Variants in MYO16 observed in about 807,000 individuals in gnomAD.
The protein encoded by MYO16 is unconventional myosin-XVI.
In MYO16, 94 loss-of-function variants were observed where a neutral mutation model predicts 205.3. That is an observed-to-expected ratio of 0.46 (90% confidence interval 0.39 to 0.54). The LOEUF (loss-of-function observed/expected upper bound fraction) is 0.54. Among genes scored for constraint, MYO16 ranks in the 20% least tolerant of loss-of-function variants. MYO16 has a pLI of 0.00. For missense variants in MYO16, 2,315 were observed against 2,387.5 expected (o/e 0.97, Z 0.63); for synonymous variants, 988 against 954.0 (o/e 1.04, Z -0.66).
the MYO16 span, among the ~76,000 whole-genome samples, chr13:108,579,529 C>G: frequency 4.6e-5 from 7 of 151,532 alleles, no homozygotes; most frequent in African/African-American, 1.7e-4. Context: ...CAACCTCTGC[C>G]TTCCGGGTTC....
chr13:109,110,756 A>T (rs1238371127), intron 28 of MYO16, among the ~76,000 whole-genome samples: 2 of 152,218 alleles, frequency 1.3e-5, no homozygotes, highest in African/African-American at 4.8e-5. Flanking sequence ...TCACACACAA[A>T]AAAGTAATGG....
chr13:108,741,702 G>A (rs951085489), intron 4 of MYO16, among the ~76,000 whole-genome samples: 1 of 152,184 alleles, frequency 6.6e-6, no homozygotes, highest in Admixed American at 6.5e-5. Context: ...AATATGGAAT[G>A]CATGAAGAAT....
intron 21 of MYO16, among the ~76,000 whole-genome samples, chr13:108,998,202 A>G (rs1052631270): frequency 2.0e-5 from 3 of 152,236 alleles, no homozygotes; most frequent in Non-Finnish European, 4.4e-5. Context: ...TACTCTTCAC[A>G]TGCGTTATCA....
At chr13:109,149,760 C>A (rs1877549373) in intron 32 of MYO16, among the ~76,000 whole-genome samples, 2 of 152,208 alleles carry the variant, frequency 1.3e-5, no homozygotes. Flanking sequence ...AAAATCCTTT[C>A]TACCCACCTG....
chr13:109,049,926 CTGTGTGTGTGTG>C (rs35960970), intron 24 of MYO16, among the ~76,000 whole-genome samples: 142 of 105,992 alleles, frequency 1.3e-3, no homozygotes, highest in Middle Eastern at 4.5e-3. Context: ...TTCCTTTGTC[CTGTGTGTGTGTG>C]TGTGTGTGTG....
intron 1 of MYO16, among the ~76,000 whole-genome samples, chr13:108,614,495 C>T (rs955590031): frequency 6.6e-6 from 1 of 151,912 alleles, no homozygotes; most frequent in African/African-American, 2.4e-5. Flanking sequence ...CACATAAATG[C>T]AAGATATCCA....
At chr13:108,741,219 C>T (rs868505973) in intron 4 of MYO16, among the ~76,000 whole-genome samples, 24 of 152,146 alleles carry the variant, frequency 1.6e-4, no homozygotes, top group Middle Eastern at 3.2e-3. Context: ...CCATCTTCTG[C>T]GTCGCTCACG....
At chr13:108,825,266 A>G (rs891668516) in intron 9 of MYO16, among the ~76,000 whole-genome samples, 7 of 152,116 alleles carry the variant, frequency 4.6e-5, no homozygotes, top group Non-Finnish European at 2.9e-5. Flanking sequence ...ATGGTATATC[A>G]TGTTAATAGA....
intron 33 of MYO16, among the ~76,000 whole-genome samples, chr13:109,179,324 T>C (rs1879354623): frequency 6.6e-6 from 1 of 152,192 alleles, no homozygotes; most frequent in African/African-American, 2.4e-5. Flanking sequence ...TCATTGTATC[T>C]CCTTTGGCAG....
chr13:108,847,028 C>T (rs1021668795), intron 10 of MYO16, among the ~76,000 whole-genome samples: 1 of 152,146 alleles, frequency 6.6e-6, no homozygotes, highest in Non-Finnish European at 1.5e-5. Flanking sequence ...TAAAGAAGAG[C>T]AAACTAGGTC....
intron 16 of MYO16, among the ~76,000 whole-genome samples, chr13:108,947,337 G>A (rs1024836327): frequency 3.3e-5 from 5 of 152,136 alleles, no homozygotes; most frequent in Non-Finnish European, 2.9e-5. Flanking sequence ...GTGCATGCGC[G>A]CTGCCCTCTT....
intron 9 of MYO16, among the ~76,000 whole-genome samples, chr13:108,837,595 G>A (rs1301996749): frequency 6.6e-6 from 1 of 152,174 alleles, no homozygotes; most frequent in Non-Finnish European, 1.5e-5. Context: ...TTTTGCAAAG[G>A]TGAAACTGTG....
At chr13:109,154,975 A>ATT (rs923950999) in intron 32 of MYO16, among the ~76,000 whole-genome samples, 1 of 145,808 alleles carries the variant, frequency 6.9e-6, no homozygotes, top group Non-Finnish European at 1.5e-5. Context: ...GATTGAAGTG[A>ATT]TTTTTTCCCC....
At chr13:108,567,413 A>T in the MYO16 span, among the ~76,000 whole-genome samples, 2 of 152,298 alleles carry the variant, frequency 1.3e-5, no homozygotes, top group East Asian at 3.9e-4. Context: ...AGCCCGGGTG[A>T]TAAGATTTAA....
At chr13:108,830,992 C>T (rs1288118301) in intron 9 of MYO16, among the ~76,000 whole-genome samples, 1 of 152,106 alleles carries the variant, frequency 6.6e-6, no homozygotes, top group Non-Finnish European at 1.5e-5. Flanking sequence ...ATTACAAATT[C>T]AAATTCAGCT....
chr13:108,830,677 G>A (rs1394549316), intron 9 of MYO16, among the ~76,000 whole-genome samples: 3 of 151,140 alleles, frequency 2.0e-5, no homozygotes, highest in African/African-American at 4.9e-5. Flanking sequence ...GAGTTAGTGG[G>A]TGCAGCGCAC....
chr13:109,040,810 A>G (rs1886862248), intron 23 of MYO16, among the ~76,000 whole-genome samples: 1 of 152,162 alleles, frequency 6.6e-6, no homozygotes, highest in Admixed American at 6.5e-5. Context: ...GAAACAAGAC[A>G]AGGATGTCTG....
In MYO16 at chr13:108,743,665, C is replaced by G. The variant is rs185914990; in HGVS notation, c.507+16082C>G. On this transcript the variant is annotated intron_variant, in intron 4 of 34. Transcript: ENST00000457511. ...GTGTTTGAACATCTGATATTAGTAA[C>G]GTCTTTGCCTGTACGGTGGAGTGTG... 2.4e-3 allele frequency among the ~76,000 whole-genome samples: 365 copies of G among 152,268 alleles called. 7 individuals carry two copies. Among genetic ancestry groups the G allele is most frequent in the Admixed American group, 0.021 (322 of 15,292 alleles).
intron 1 of MYO16, among the ~76,000 whole-genome samples, chr13:108,611,186 A>G (rs1879159701): frequency 6.6e-6 from 1 of 152,212 alleles, no homozygotes; most frequent in Non-Finnish European, 1.5e-5. Flanking sequence ...AACATAAAAT[A>G]TAAAGAGACA....
Sources: allele counts gnomAD v4.1 joint callset (sites outside exome capture counted in the v4.1 genomes callset), GRCh38; gene constraint gnomAD v4.1.1; transcripts MANE v1.5; gene names NCBI Gene and HGNC (gene_info 2026-07-23, HGNC 2026-07-21).